PRKN: variants seen among roughly 807,000 people sequenced by gnomAD.
The protein encoded by PRKN is E3 ubiquitin-protein ligase parkin.
A neutral mutation model predicts 59.5 loss-of-function variants in PRKN; 56 were observed. The observed-to-expected ratio is 0.94, with a 90% CI of 0.76 to 1.18. The LOEUF (loss-of-function observed/expected upper bound fraction) is 1.18, where lower values mean the gene tolerates loss of function less well. Ranked by LOEUF, PRKN falls within the 50% of genes most tolerant of loss-of-function variation. PRKN has a pLI of 0.00. For missense variants in PRKN, 657 were observed against 596.4 expected (o/e 1.10, Z -1.06); for synonymous variants, 250 against 222.1 (o/e 1.13, Z -1.12).
At chr6:162,575,178 C>A (rs549584411) in intron 1 of PRKN, among the ~76,000 whole-genome samples, 1 of 152,136 alleles carries the variant, frequency 6.6e-6, no homozygotes, top group South Asian at 2.1e-4. Flanking sequence ...CCAGGCCATG[C>A]ACCTGGATCT....
rs1419003825 is a variant in PRKN, at chr6:162,720,112, T to C, written c.7+7550A>G. ...GGGCTTCATCACAAGATCTTATTTA[T>C]GCACTGAAACTCCAAAAATATCTCA... On this transcript the variant is annotated intron_variant, in intron 1 of 11. Transcript: ENST00000366898. Among the ~76,000 whole-genome samples, 8 of 152,308 alleles carry C rather than the reference T, an allele frequency of 5.3e-5. No homozygotes were observed. The East Asian group carries it at 1.2e-3, about 22-fold the overall frequency.
chr6:161,729,862 T>C (rs1349667677), intron 7 of PRKN, among the ~76,000 whole-genome samples: 1 of 150,694 alleles, frequency 6.6e-6, no homozygotes, highest in Non-Finnish European at 1.5e-5. Context: ...CATTCTGACA[T>C]GTTGCATTCT....
intron 2 of PRKN, among the ~76,000 whole-genome samples, chr6:162,364,167 A>G (rs1785297666): frequency 6.6e-6 from 1 of 152,242 alleles, no homozygotes. Flanking sequence ...AATACCATCT[A>G]CACAGACATT....
At position 161,394,097 on chromosome 6, in the gene PRKN, C is replaced by T. The variant is rs115011750; in HGVS notation, c.1084-7220G>A. ...ACCAGCCGCTGATATATGCAAAACT[C>T]GTTCTGACAAGACAGTGCCACAGAA... On this transcript the variant is annotated intron_variant, in intron 9 of 11. Transcript: ENST00000366898. Among the ~76,000 whole-genome samples, 689 of 152,294 alleles carry T rather than the reference C, an allele frequency of 4.5e-3. 4 individuals are homozygous for T. Among genetic ancestry groups the T allele is most frequent in the African/African-American group, 0.016 (658 of 41,568 alleles).
chr6:161,382,654 A>T (rs781014456), intron 10 of PRKN, among the ~76,000 whole-genome samples: 9 of 152,196 alleles, frequency 5.9e-5, no homozygotes, highest in Non-Finnish European at 1.2e-4. Flanking sequence ...AGCAAACGGG[A>T]CTGGACTCTC....
rs569136308 is a variant in PRKN, at chr6:161,767,387, G to C, written c.871+18385C>G. On this transcript the variant is annotated intron_variant, in intron 7 of 11. Coordinates refer to ENST00000366898, the MANE Select transcript of PRKN (RefSeq NM_004562.3). ...ACAAAATTAGTCGGGTGTGGTGGCGGGCGCCTGTAGTCCCAGCTACTCAGG... is the reference window on the plus strand; with the variant it reads ...ACAAAATTAGTCGGGTGTGGTGGCGCGCGCCTGTAGTCCCAGCTACTCAGG... Among the ~76,000 whole-genome samples, 28 of 152,222 alleles carry C rather than the reference G, an allele frequency of 1.8e-4. No homozygotes were observed. In the South Asian group the frequency reaches 3.9e-3, roughly 21 times the overall value.
At chr6:161,965,661 G>T (rs1258069287) in intron 6 of PRKN, among the ~76,000 whole-genome samples, 1 of 152,144 alleles carries the variant, frequency 6.6e-6, no homozygotes, top group East Asian at 1.9e-4. Context: ...ATGTTAAGGA[G>T]GCATGAGACA....
chr6:162,599,713 T>C (rs1781627647), intron 1 of PRKN, among the ~76,000 whole-genome samples: 1 of 152,258 alleles, frequency 6.6e-6, no homozygotes, highest in African/African-American at 2.4e-5. Flanking sequence ...AATCAGAATA[T>C]GGGCAGAACT....
intron 2 of PRKN, among the ~76,000 whole-genome samples, chr6:162,367,059 G>A (rs373040972): frequency 2.8e-4 from 43 of 152,198 alleles, no homozygotes; most frequent in African/African-American, 7.7e-4. Flanking sequence ...GGAGGGACCC[G>A]GTGGGAGGTA....
At chr6:162,620,877 A>G (rs922451662) in intron 1 of PRKN, among the ~76,000 whole-genome samples, 2 of 152,126 alleles carry the variant, frequency 1.3e-5, no homozygotes, top group African/African-American at 4.8e-5. Context: ...CAATCTTTGT[A>G]TTTCCGGTGT....
chr6:162,210,684 G>A (rs1356782532), intron 3 of PRKN, among the ~76,000 whole-genome samples: 2 of 151,922 alleles, frequency 1.3e-5, no homozygotes, highest in African/African-American at 2.4e-5. Flanking sequence ...AATTTTTCTA[G>A]AATCATATTT....
chr6:162,359,076 A>AT (rs57736986), intron 2 of PRKN, among the ~76,000 whole-genome samples: 381 of 86,334 alleles, frequency 4.4e-3, no homozygotes, highest in Non-Finnish European at 5.1e-3. Context: ...AAAAAAAAAA[A>AT]AAAATATATA....
chr6:162,328,831 C>T (rs1161136061), intron 2 of PRKN, among the ~76,000 whole-genome samples: 1 of 152,126 alleles, frequency 6.6e-6, no homozygotes, highest in East Asian at 1.9e-4. Context: ...AATGGTCATG[C>T]CCGGTTCCTG....
At chr6:161,979,384 T>C (rs1388314878) in intron 5 of PRKN, among the ~76,000 whole-genome samples, 1 of 152,166 alleles carries the variant, frequency 6.6e-6, no homozygotes, top group African/African-American at 2.4e-5. Context: ...GCAAATCTCA[T>C]GTCTCAGCCT....
At position 161,368,827 on chromosome 6, in the gene PRKN, G is replaced by A. The variant is rs192031359; in HGVS notation, c.1168-8622C>T. 2.0e-4 allele frequency among the ~76,000 whole-genome samples: 31 copies of A among 152,248 alleles called. No individual in the cohort carries two copies. In the East Asian group the frequency reaches 5.2e-3, roughly 26 times the overall value. ...ACACCAGGAGGCCACGGCTGCCAAA[G>A]CTCATGCCCTTTCTTTGTCATTGTC... On this transcript the variant is annotated intron_variant, in intron 10 of 11. Transcript: ENST00000366898.
intron 9 of PRKN, among the ~76,000 whole-genome samples, chr6:161,430,576 G>A (rs1322452948): frequency 6.6e-6 from 1 of 152,048 alleles, no homozygotes; most frequent in Non-Finnish European, 1.5e-5. Flanking sequence ...AGCACTTTGG[G>A]GGGCCGAGGC....
chr6:162,427,028 T>A (rs149271153), intron 2 of PRKN, among the ~76,000 whole-genome samples: 46 of 152,234 alleles, frequency 3.0e-4, no homozygotes, highest in Non-Finnish European at 5.9e-4. Context: ...CACAGGCCCA[T>A]GAGAAAGTTT....
At chr6:161,928,488 C>A (rs879800151) in intron 6 of PRKN, among the ~76,000 whole-genome samples, 4 of 151,982 alleles carry the variant, frequency 2.6e-5, no homozygotes, top group African/African-American at 9.7e-5. Flanking sequence ...GGTTTTATTC[C>A]ACAGGATTTA....
In PRKN at chr6:161,484,210, C is replaced by T. The variant is rs959447097; in HGVS notation, c.1083+64644G>A. 2.6e-5 allele frequency among the ~76,000 whole-genome samples: 4 copies of T among 152,030 alleles called. No homozygotes were observed. Among genetic ancestry groups the T allele is most frequent in the Non-Finnish European group, 2.9e-5 (2 of 68,002 alleles). On this transcript the variant is annotated intron_variant, in intron 9 of 11. Coordinates refer to ENST00000366898, the MANE Select transcript of PRKN (RefSeq NM_004562.3). The surrounding 1 kb of genome is among the most constrained non-coding windows in gnomAD (Gnocchi z 4.9). ...AGTTGAAGAAAATTTTAAAAAAAGA[C>T]CCTGCCTGGCAGGGTTTCAGCTTAA...
Sources: allele counts gnomAD v4.1 joint callset (sites outside exome capture counted in the v4.1 genomes callset), GRCh38; gene constraint gnomAD v4.1.1; non-coding constraint Gnocchi (gnomAD v3.1); transcripts MANE v1.5; gene names NCBI Gene and HGNC (gene_info 2026-07-23, HGNC 2026-07-21).